SRPK2: variants seen among roughly 807,000 people sequenced by gnomAD.
The protein encoded by SRPK2 is SRSF protein kinase 2, also known as SFRS protein kinase 2.
In SRPK2, 21 loss-of-function variants were observed where a neutral mutation model predicts 90.8. The ratio of observed to expected loss-of-function variants is 0.23; its 90% CI spans 0.16 to 0.33. The LOEUF is 0.33. SRPK2 is among the 10% of genes least tolerant of loss of function. The pLI is 1.00. For missense variants in SRPK2, 620 were observed against 869.0 expected (o/e 0.71, Z 3.60); for synonymous variants, 288 against 311.1 (o/e 0.93, Z 0.78).
intron 15 of SRPK2, among the ~76,000 whole-genome samples, chr7:105,120,618 C>A (rs1392779617): frequency 2.7e-4 from 41 of 150,360 alleles, no homozygotes; most frequent in African/African-American, 8.8e-4. Flanking sequence ...GAGCACAGAG[C>A]AGCACTGCAA....
chr7:105,266,500 G>A (rs1805098698), intron 2 of SRPK2, among the ~76,000 whole-genome samples: 1 of 152,032 alleles, frequency 6.6e-6, no homozygotes, highest in Non-Finnish European at 1.5e-5. Context: ...CTTTTGGTTT[G>A]CTTACAATCA....
intron 2 of SRPK2, among the ~76,000 whole-genome samples, chr7:105,207,889 A>C (rs1048169306): frequency 6.6e-6 from 1 of 152,238 alleles, no homozygotes; most frequent in Non-Finnish European, 1.5e-5. Context: ...CTTGTAAATC[A>C]TAAGTGATAA....
chr7:105,201,103 C>G (rs1795495086), intron 3 of SRPK2, among the ~76,000 whole-genome samples: 1 of 152,168 alleles, frequency 6.6e-6, no homozygotes, highest in South Asian at 2.1e-4. Context: ...GGATTTATCT[C>G]TTTATCCAAG....
At chr7:105,136,639 C>CA (rs1379247827) in intron 11 of SRPK2, among the ~76,000 whole-genome samples, 1 of 152,210 alleles carries the variant, frequency 6.6e-6, no homozygotes, top group African/African-American at 2.4e-5. Flanking sequence ...TGGTAGCCAA[C>CA]AGTGCCTCAG....
At chr7:105,138,989 T>G (rs1803294460) in intron 11 of SRPK2, among the ~76,000 whole-genome samples, 1 of 152,168 alleles carries the variant, frequency 6.6e-6, no homozygotes, top group Non-Finnish European at 1.5e-5. Flanking sequence ...TGTGAATTGC[T>G]CAATCTATGT....
At chr7:105,194,265 TA>T (rs937081607) in intron 3 of SRPK2, among the ~76,000 whole-genome samples, 2 of 151,228 alleles carry the variant, frequency 1.3e-5, no homozygotes, top group Middle Eastern at 3.2e-3. Context: ...TAAAGGTATC[TA>T]AAAAAAAACT....
intron 1 of SRPK2, among the ~76,000 whole-genome samples, chr7:105,397,550 G>A (rs139187628): frequency 0.01 from 1,564 of 151,646 alleles, 30 homozygotes; most frequent in African/African-American, 0.035. Flanking sequence ...GGCTGGTCTC[G>A]AACTCCTCAC....
chr7:105,331,114 C>T (rs1814264909), intron 2 of SRPK2, among the ~76,000 whole-genome samples: 1 of 151,696 alleles, frequency 6.6e-6, no homozygotes, highest in African/African-American at 2.4e-5. Context: ...ACAGCCTGAC[C>T]ATCATGGTGA....
intron 2 of SRPK2, among the ~76,000 whole-genome samples, chr7:105,307,504 T>C (rs1278145703): frequency 2.6e-5 from 4 of 152,242 alleles, no homozygotes; most frequent in African/African-American, 4.8e-5. Context: ...TGCCATCCAT[T>C]TGTCATCTGA....
chr7:105,353,780 C>A (rs1300196818), intron 2 of SRPK2, among the ~76,000 whole-genome samples: 2 of 152,124 alleles, frequency 1.3e-5, no homozygotes, highest in Non-Finnish European at 2.9e-5. Flanking sequence ...AGAATCATCA[C>A]AAAAGACAGG....
intron 2 of SRPK2, chr7:105,306,217 T>C (rs1811124528): frequency 1.7e-5 from 3 of 180,084 alleles, no homozygotes; most frequent in Admixed American, 1.1e-4. Context: ...TTCTATTAGT[T>C]TGCATTTCAG....
intron 2 of SRPK2, among the ~76,000 whole-genome samples, chr7:105,223,942 A>C (rs1431012292): frequency 2.6e-5 from 4 of 152,224 alleles, no homozygotes; most frequent in Non-Finnish European, 4.4e-5. Context: ...CAAGGGTCTT[A>C]AGGAGCAGGC....
intron 2 of SRPK2, among the ~76,000 whole-genome samples, chr7:105,239,599 C>A (rs1800554022): frequency 6.6e-6 from 1 of 152,162 alleles, no homozygotes; most frequent in Non-Finnish European, 1.5e-5. Context: ...CAAACATACT[C>A]CTAGGAGCTG....
intron 15 of SRPK2, among the ~76,000 whole-genome samples, chr7:105,124,351 T>G (rs1279997061): frequency 1.3e-5 from 2 of 152,038 alleles, no homozygotes; most frequent in African/African-American, 4.8e-5. Flanking sequence ...CAAAGACAAA[T>G]AAATGCACAG....
intron 2 of SRPK2, among the ~76,000 whole-genome samples, chr7:105,377,652 A>G (rs1285064598): frequency 6.6e-6 from 1 of 152,138 alleles, no homozygotes; most frequent in Admixed American, 6.6e-5. Context: ...GAGAACTGAG[A>G]TCGCGCCACC....
intron 2 of SRPK2, chr7:105,302,126 A>G: frequency 1.4e-6 from 2 of 1,421,760 alleles, no homozygotes; most frequent in South Asian, 2.3e-5. Context: ...TTCTTTAAAA[A>G]GTAAAACTGG....
At chr7:105,139,659 C>T (rs1803410402) in intron 11 of SRPK2, among the ~76,000 whole-genome samples, 1 of 152,184 alleles carries the variant, frequency 6.6e-6, no homozygotes. Flanking sequence ...TGCTCCTTTA[C>T]ATGGATTGTG....
At chr7:105,391,471 C>G (rs957454524), upstream of SRPK2, among the ~76,000 whole-genome samples, 6 of 152,150 alleles carry the variant, frequency 3.9e-5, no homozygotes, top group African/African-American at 1.4e-4. Context: ...TCCCAAAGTG[C>G]TGGGATTACA....
At chr7:105,175,321 T>C (rs547647547) in intron 3 of SRPK2, among the ~76,000 whole-genome samples, 43 of 152,228 alleles carry the variant, frequency 2.8e-4, no homozygotes, top group Admixed American at 2.0e-4. Context: ...CAAGTATTTC[T>C]TACATTAAGT....
Sources: gnomAD v4.1 joint callset for allele counts (sites outside exome capture counted in the v4.1 genomes callset) on GRCh38, gnomAD v4.1.1 for gene constraint, MANE v1.5 for transcripts, NCBI Gene and HGNC (gene_info 2026-07-23, HGNC 2026-07-21) for gene names.